Variants in CDH19 observed in about 807,000 individuals in gnomAD.
CDH19 encodes cadherin-19.
A neutral mutation model predicts 64.2 loss-of-function variants in CDH19; 67 were observed. That is an observed-to-expected ratio of 1.04 (90% CI 0.86 to 1.28). The LOEUF (loss-of-function observed/expected upper bound fraction) is 1.28. CDH19 is among the 50% of genes most tolerant of loss of function. The pLI is 0.00. For synonymous variants in CDH19, 346 were observed against 319.3 expected, an observed-to-expected ratio of 1.08 and a Z score of -0.89; for missense variants, 1,030 against 929.0, an observed-to-expected ratio of 1.11 and a Z score of -1.41.
chr18:66,525,302 T>C (rs1324439739), intron 9 of CDH19, among the ~76,000 whole-genome samples: 1 of 152,134 alleles, frequency 6.6e-6, no homozygotes, highest in Non-Finnish European at 1.5e-5. Flanking sequence ...TTACGGTTCA[T>C]ATGCACACCA....
intron 1 of CDH19, among the ~76,000 whole-genome samples, chr18:66,576,812 A>G (rs1160277245): frequency 6.6e-6 from 1 of 151,714 alleles, no homozygotes; most frequent in African/African-American, 2.4e-5. Context: ...ACACATATAG[A>G]AAATCTTATG....
intron 7 of CDH19, among the ~76,000 whole-genome samples, chr18:66,540,204 G>A (rs981870213): frequency 6.6e-6 from 1 of 151,992 alleles, no homozygotes; most frequent in Non-Finnish European, 1.5e-5. Flanking sequence ...CACTGCTTGT[G>A]ATCTAATCTT....
intron 9 of CDH19, among the ~76,000 whole-genome samples, chr18:66,527,854 T>A (rs1298072921): frequency 1.4e-5 from 2 of 145,038 alleles, no homozygotes; most frequent in African/African-American, 2.8e-5. Flanking sequence ...ATTAAACCTA[T>A]TTTTTTTAGG....
chr18:66,546,061 A>C (rs1987105423), intron 5 of CDH19, among the ~76,000 whole-genome samples: 1 of 152,012 alleles, frequency 6.6e-6, no homozygotes, highest in Non-Finnish European at 1.5e-5. Context: ...GACATTACTC[A>C]TGTCAAGCGG....
At chr18:66,530,231 AG>A (rs1986390473) in intron 8 of CDH19, among the ~76,000 whole-genome samples, 1 of 152,122 alleles carries the variant, frequency 6.6e-6, no homozygotes. Flanking sequence ...GAGAAAAAGC[AG>A]TAAAAAGATA....
At chr18:66,516,169 C>G (rs748464253) in intron 9 of CDH19, among the ~76,000 whole-genome samples, 6 of 151,868 alleles carry the variant, frequency 4.0e-5, no homozygotes, top group Non-Finnish European at 8.8e-5. Flanking sequence ...CTGAGGGACA[C>G]TCCCAGGCTC....
chr18:66,551,413 T>C (rs1599007844), intron 4 of CDH19, among the ~76,000 whole-genome samples, 155 bp from the exon 5 acceptor site: 1 of 151,976 alleles, frequency 6.6e-6, no homozygotes, highest in Admixed American at 6.6e-5. Flanking sequence ...AAAAAATAAA[T>C]TAAACATCAA....
intron 11 of CDH19, among the ~76,000 whole-genome samples, chr18:66,507,334 G>A (rs1985250897): frequency 1.3e-5 from 2 of 152,002 alleles, no homozygotes; most frequent in African/African-American, 4.8e-5. Context: ...GATAAGTTAA[G>A]TGAAGACAAG....
intron 2 of CDH19, among the ~76,000 whole-genome samples, chr18:66,569,339 A>G (rs1264170087): frequency 1.3e-5 from 2 of 151,620 alleles, no homozygotes; most frequent in Non-Finnish European, 3.0e-5. Flanking sequence ...GAAAAGTGAG[A>G]TTTTGTTTTA....
At chr18:66,555,596 T>A (rs1433817244) in intron 3 of CDH19, among the ~76,000 whole-genome samples, 1 of 151,836 alleles carries the variant, frequency 6.6e-6, no homozygotes, top group Non-Finnish European at 1.5e-5. Context: ...TTATGGGTAA[T>A]ACTTTTACCT....
At chr18:66,515,482 GTCTT>G (rs746841637) in intron 9 of CDH19, among the ~76,000 whole-genome samples, 4 of 151,838 alleles carry the variant, frequency 2.6e-5, no homozygotes, top group African/African-American at 9.6e-5. Context: ...TATGCTTGTT[GTCTT>G]TCTTTGTTTA....
intron 7 of CDH19, among the ~76,000 whole-genome samples, chr18:66,536,226 A>C (rs991705557): frequency 6.6e-6 from 1 of 151,706 alleles, no homozygotes; most frequent in Non-Finnish European, 1.5e-5. Flanking sequence ...TACCATAATT[A>C]TATGGCAAAG....
chr18:66,535,331 T>C (rs1236614496), intron 7 of CDH19, among the ~76,000 whole-genome samples: 1 of 151,572 alleles, frequency 6.6e-6, no homozygotes, highest in Non-Finnish European at 1.5e-5. Flanking sequence ...TGATGGATGC[T>C]AAATCTAAAA....
At chr18:66,571,324 A>C (rs972849187) in intron 2 of CDH19, among the ~76,000 whole-genome samples, 1 of 151,602 alleles carries the variant, frequency 6.6e-6, no homozygotes, top group African/African-American at 2.4e-5. Context: ...GGCCCAATTA[A>C]ATTTTAGTGC....
At chr18:66,531,973 T>C (rs1986459925) in intron 8 of CDH19, among the ~76,000 whole-genome samples, 1 of 152,128 alleles carries the variant, frequency 6.6e-6, no homozygotes, top group South Asian at 2.1e-4. Context: ...AGCTATTATA[T>C]TGTGTAGGTT....
chr18:66,572,864 G>T (rs905042963), intron 1 of CDH19, among the ~76,000 whole-genome samples: 1 of 151,658 alleles, frequency 6.6e-6, no homozygotes, highest in African/African-American at 2.4e-5. Flanking sequence ...ACACTGAATA[G>T]AAAGCTTGCA....
intron 1 of CDH19, among the ~76,000 whole-genome samples, chr18:66,595,568 C>T (rs891941113): frequency 7.0e-6 from 1 of 142,896 alleles, no homozygotes; most frequent in African/African-American, 2.6e-5. Flanking sequence ...AGTAGAAAAC[C>T]TAGAAGACAT....
chr18:66,510,592 TA>T (rs1985432327), intron 10 of CDH19, among the ~76,000 whole-genome samples: 1 of 82,798 alleles, frequency 1.2e-5, no homozygotes, highest in Admixed American at 1.3e-4. Flanking sequence ...CAAATAATAA[TA>T]ATAATAATAA....
At chr18:66,572,374 A>G (rs1365819786) in intron 1 of CDH19, 58 bp from the exon 2 acceptor site, 1 of 471,124 alleles carries the variant, frequency 2.1e-6, no homozygotes, top group Admixed American at 3.4e-5. Flanking sequence ...TTCTCACATA[A>G]TTACTAAAGA....
Sources: gnomAD v4.1 joint callset for allele counts (sites outside exome capture counted in the v4.1 genomes callset) on GRCh38, gnomAD v4.1.1 for gene constraint, MANE v1.5 for transcripts, NCBI Gene and HGNC (gene_info 2026-07-23, HGNC 2026-07-21) for gene names.